Variants in FGF13 observed in about 807,000 individuals in gnomAD.
FGF13 encodes fibroblast growth factor 13.
In FGF13, 2 loss-of-function variants were observed where a neutral mutation model predicts 19.5. The ratio of observed to expected loss-of-function variants is 0.10; its 90% CI spans 0.04 to 0.32. The LOEUF (loss-of-function observed/expected upper bound fraction) is 0.32, where lower values mean the gene tolerates loss of function less well. Ranked by LOEUF, FGF13 falls within the 10% of genes least tolerant of loss-of-function variation. FGF13 has a pLI of 1.00. For synonymous variants in FGF13, 72 were observed against 76.9 expected (o/e 0.94, Z 0.33); for missense variants, 113 against 192.7 (o/e 0.59, Z 2.45).
intron 1 of FGF13, among the ~76,000 whole-genome samples, chrX:139,048,324 G>A (rs993432103): frequency 1.8e-5 from 2 of 110,875 alleles, no homozygotes; most frequent in Non-Finnish European, 3.8e-5. Context: ...CCACTGATTT[G>A]CTTGTCCACA....
chrX:138,768,268 G>C (rs2090516247), intron 3 of FGF13, among the ~76,000 whole-genome samples: 1 of 112,135 alleles, frequency 8.9e-6, no homozygotes, highest in South Asian at 3.7e-4. Context: ...ATGTGGAAAG[G>C]CTTGTAGTTT....
At chrX:139,175,527 G>A (rs963777268) in intron 1 of FGF13, among the ~76,000 whole-genome samples, 23 of 112,018 alleles carry the variant, frequency 2.1e-4, no homozygotes, top group African/African-American at 7.5e-4. Context: ...GTATGATATT[G>A]GCTGTGGGTT....
At chrX:139,186,296 A>T (rs892567465) in intron 1 of FGF13, among the ~76,000 whole-genome samples, 2 of 111,965 alleles carry the variant, frequency 1.8e-5, no homozygotes, top group Non-Finnish European at 3.8e-5. Context: ...CAGAAACATA[A>T]GAGTCATCAT....
At chrX:138,862,494 A>T (rs1296887596) in intron 2 of FGF13, among the ~76,000 whole-genome samples, 1 of 111,552 alleles carries the variant, frequency 9.0e-6, no homozygotes, top group East Asian at 2.8e-4. Context: ...CAAAACATAC[A>T]GATTATCAGA....
At chrX:139,184,196 T>G (rs2084263048) in intron 1 of FGF13, among the ~76,000 whole-genome samples, 1 of 112,278 alleles carries the variant, frequency 8.9e-6, no homozygotes, top group South Asian at 3.7e-4. Context: ...TACAGAAATT[T>G]CAGAGAGTAC....
intron 3 of FGF13, among the ~76,000 whole-genome samples, chrX:138,751,027 G>A (rs1311190397): frequency 9.0e-6 from 1 of 110,861 alleles, no homozygotes; most frequent in Non-Finnish European, 1.9e-5. Flanking sequence ...TTTCAGGAAG[G>A]AAGAAGGGCC....
intron 3 of FGF13, among the ~76,000 whole-genome samples, chrX:138,801,604 C>T (rs2090829835): frequency 1.8e-5 from 2 of 111,970 alleles, no homozygotes; most frequent in African/African-American, 6.5e-5. Flanking sequence ...TAGCAGAGCT[C>T]GAGCACTGTA....
chrX:139,112,971 A>AGTGT (rs748975156), intron 1 of FGF13, among the ~76,000 whole-genome samples: 5,455 of 87,664 alleles, frequency 0.062, 215 homozygotes, highest in Non-Finnish European at 0.095. Context: ...TTGATTATGT[A>AGTGT]GTGTGTGTGT....
intron 1 of FGF13, among the ~76,000 whole-genome samples, chrX:139,116,836 C>T (rs746466117): frequency 9.0e-6 from 1 of 110,995 alleles, no homozygotes; most frequent in Admixed American, 9.6e-5. Flanking sequence ...TTCCCATCTC[C>T]GCCATAGCAA....
intron 1 of FGF13, among the ~76,000 whole-genome samples, chrX:139,174,353 G>A (rs1869353000): frequency 8.9e-6 from 1 of 112,104 alleles, no homozygotes; most frequent in South Asian, 3.8e-4. Context: ...TCTGTAGGTT[G>A]CCTGTTCAAC....
At chrX:138,907,013 C>T (rs141588990) in intron 1 of FGF13, among the ~76,000 whole-genome samples, 41 of 111,936 alleles carry the variant, frequency 3.7e-4, no homozygotes, top group East Asian at 3.4e-3. Flanking sequence ...GCTTCACTAA[C>T]GTGCTGTGTA....
chrX:139,164,688 C>CAAAT (rs778262336), intron 1 of FGF13, among the ~76,000 whole-genome samples: 9,126 of 92,499 alleles, frequency 0.099, 410 homozygotes, highest in Non-Finnish European at 0.11. Context: ...GACCTTGTCT[C>CAAAT]AAATAAATAA....
At chrX:139,110,572 C>T (rs756819993) in intron 1 of FGF13, among the ~76,000 whole-genome samples, 3 of 111,761 alleles carry the variant, frequency 2.7e-5, no homozygotes, top group South Asian at 7.5e-4. Context: ...TTCCCAGCCA[C>T]GTGGAACTGT....
chrX:139,140,223 C>T (rs1305362276), intron 1 of FGF13, among the ~76,000 whole-genome samples: 1 of 111,314 alleles, frequency 9.0e-6, no homozygotes, highest in African/African-American at 3.3e-5. Context: ...CAAATCAAAC[C>T]CAGTTCAAAG....
chrX:138,852,680 G>C (rs1398985294), downstream of FGF13, among the ~76,000 whole-genome samples: 1 of 111,768 alleles, frequency 8.9e-6, no homozygotes, highest in African/African-American at 3.2e-5. Flanking sequence ...AAAAGCAATT[G>C]CAACAAAAGC....
chrX:139,016,963 C>A (rs2092155825), intron 1 of FGF13, among the ~76,000 whole-genome samples: 1 of 110,529 alleles, frequency 9.0e-6, no homozygotes, highest in South Asian at 3.9e-4. Flanking sequence ...TTCCTTCACA[C>A]CGAATACTCA....
At chrX:138,996,502 G>T (rs186777201) in intron 1 of FGF13, among the ~76,000 whole-genome samples, 1 of 112,733 alleles carries the variant, frequency 8.9e-6, no homozygotes, top group East Asian at 2.8e-4. Flanking sequence ...TTGGTGGGGG[G>T]AGGGGCGTCC....
chrX:138,685,638 T>C (rs1055113103), intron 3 of FGF13, among the ~76,000 whole-genome samples: 4 of 111,422 alleles, frequency 3.6e-5, no homozygotes, highest in South Asian at 7.5e-4. Flanking sequence ...ATGCAGGCAA[T>C]AGGGCTTTAA....
At chrX:139,088,965 G>A (rs777921067) in intron 1 of FGF13, among the ~76,000 whole-genome samples, 1 of 112,442 alleles carries the variant, frequency 8.9e-6, no homozygotes, top group African/African-American at 3.2e-5. Flanking sequence ...GAGCCAGAAA[G>A]TGGGGTCTCA....
Sources: allele counts gnomAD v4.1 joint callset (sites outside exome capture counted in the v4.1 genomes callset), GRCh38; gene constraint gnomAD v4.1.1; transcripts MANE v1.5; gene names NCBI Gene and HGNC (gene_info 2026-07-23, HGNC 2026-07-21).